Variants in CNTNAP2 observed in about 807,000 individuals in gnomAD.
The protein encoded by CNTNAP2 is contactin-associated protein-like 2.
A neutral mutation model predicts 155.2 loss-of-function variants in CNTNAP2; 98 were observed. The observed-to-expected ratio is 0.63, with a 90% CI of 0.54 to 0.75. The LOEUF (loss-of-function observed/expected upper bound fraction) is 0.75. Ranked by LOEUF, CNTNAP2 falls within the 30% of genes least tolerant of loss-of-function variation. The probability of loss-of-function intolerance (pLI) is 0.00; values close to 1 mark genes in which losing one functional copy is unlikely to be tolerated. For synonymous variants in CNTNAP2, 651 were observed against 631.2 expected (o/e 1.03, Z -0.47); for missense variants, 1,727 against 1,688.1 (o/e 1.02, Z -0.40).
intron 8 of CNTNAP2, among the ~76,000 whole-genome samples, chr7:147,242,667 C>A (rs1038651880): frequency 1.3e-5 from 2 of 151,998 alleles, no homozygotes; most frequent in African/African-American, 4.8e-5. Flanking sequence ...ACTTTAAATT[C>A]TTCCATTTAT....
At chr7:148,326,996 G>A (rs55881658) in intron 21 of CNTNAP2, among the ~76,000 whole-genome samples, 25,229 of 152,084 alleles carry the variant, frequency 0.17, 2,303 homozygotes, top group South Asian at 0.33. Context: ...GCTCATACAC[G>A]TGCTCCCCTC....
chr7:147,326,296 T>C (rs1273193284), intron 9 of CNTNAP2, among the ~76,000 whole-genome samples: 1 of 152,186 alleles, frequency 6.6e-6, no homozygotes, highest in East Asian at 1.9e-4. Flanking sequence ...ACATATAATG[T>C]TTGTTCTTTT....
chr7:146,734,593 C>T (rs554305299), intron 1 of CNTNAP2, among the ~76,000 whole-genome samples: 2 of 152,130 alleles, frequency 1.3e-5, no homozygotes, highest in South Asian at 4.1e-4. Flanking sequence ...TATCCTACAT[C>T]AAGGAAATAG....
intron 1 of CNTNAP2, among the ~76,000 whole-genome samples, chr7:146,556,028 T>A (rs1026996039): frequency 1.3e-5 from 2 of 152,202 alleles, no homozygotes; most frequent in Non-Finnish European, 2.9e-5. Context: ...TAAATAGCAA[T>A]GTCTAATTAT....
At chr7:146,947,408 C>CTATATA (rs1231355375) in intron 3 of CNTNAP2, among the ~76,000 whole-genome samples, 14 of 123,468 alleles carry the variant, frequency 1.1e-4, no homozygotes, top group African/African-American at 3.8e-4. Context: ...CTCTCTCTCT[C>CTATATA]TCTATATATA....
chr7:147,534,623 A>G (rs1799507523), intron 11 of CNTNAP2, among the ~76,000 whole-genome samples: 1 of 152,214 alleles, frequency 6.6e-6, no homozygotes, highest in African/African-American at 2.4e-5. Context: ...CATGAATTTC[A>G]TAAAAAATAA....
intron 9 of CNTNAP2, among the ~76,000 whole-genome samples, chr7:147,378,505 A>C (rs1244268870): frequency 6.6e-6 from 1 of 152,110 alleles, no homozygotes; most frequent in African/African-American, 2.4e-5. Flanking sequence ...AACCAGGCAC[A>C]GAAAGACAAA....
At chr7:147,170,676 C>T (rs1284713095) in intron 8 of CNTNAP2, among the ~76,000 whole-genome samples, 1 of 152,182 alleles carries the variant, frequency 6.6e-6, no homozygotes, top group South Asian at 2.1e-4. Flanking sequence ...AACCTGCTCA[C>T]GGCTCCCTCC....
chr7:146,903,846 T>C (rs1585147841), intron 3 of CNTNAP2, among the ~76,000 whole-genome samples: 1 of 152,242 alleles, frequency 6.6e-6, no homozygotes, highest in African/African-American at 2.4e-5. Flanking sequence ...ATCTCCAAAT[T>C]GTTAAAAGAA....
At chr7:147,915,944 T>C (rs184792964) in intron 14 of CNTNAP2, among the ~76,000 whole-genome samples, 1 of 152,328 alleles carries the variant, frequency 6.6e-6, no homozygotes, top group Admixed American at 6.5e-5. Flanking sequence ...AAGTTGCCTC[T>C]TAACAGGAGA....
At chr7:148,273,286 T>C (rs941751153) in intron 21 of CNTNAP2, among the ~76,000 whole-genome samples, 37 of 152,202 alleles carry the variant, frequency 2.4e-4, no homozygotes, top group Admixed American at 2.4e-3. Flanking sequence ...TGCAATATTA[T>C]AGTAGAGCAG....
intron 13 of CNTNAP2, among the ~76,000 whole-genome samples, chr7:147,827,510 C>T (rs1365439896): frequency 6.6e-6 from 1 of 152,158 alleles, no homozygotes; most frequent in Non-Finnish European, 1.5e-5. Context: ...GCCACAAGAT[C>T]TACTAAACAA....
intron 4 of CNTNAP2, among the ~76,000 whole-genome samples, chr7:147,095,671 G>T (rs1584839202): frequency 6.6e-6 from 1 of 150,434 alleles, no homozygotes; most frequent in East Asian, 1.9e-4. Flanking sequence ...ATTGATTTTT[G>T]TTTCTACCTT....
intron 1 of CNTNAP2, among the ~76,000 whole-genome samples, chr7:146,248,247 C>A (rs1799696478): frequency 6.6e-6 from 1 of 151,370 alleles, no homozygotes; most frequent in Admixed American, 6.6e-5. Context: ...GCAGGACTTG[C>A]CGCTCAGGGT....
intron 9 of CNTNAP2, among the ~76,000 whole-genome samples, chr7:147,326,659 G>T (rs1033144409): frequency 6.6e-6 from 1 of 152,162 alleles, no homozygotes; most frequent in East Asian, 1.9e-4. Context: ...GTGTACAAAG[G>T]TTCTGATTGT....
intron 8 of CNTNAP2, among the ~76,000 whole-genome samples, chr7:147,189,768 G>A (rs910161128): frequency 1.3e-5 from 2 of 152,094 alleles, no homozygotes; most frequent in Non-Finnish European, 1.5e-5. Context: ...TTGTTGAGAC[G>A]GAGTCTCACT....
intron 15 of CNTNAP2, among the ~76,000 whole-genome samples, chr7:148,025,106 G>A (rs1230991320): frequency 1.3e-5 from 2 of 152,098 alleles, no homozygotes; most frequent in African/African-American, 2.4e-5. Context: ...TTATGGGAGG[G>A]GCCTGAATTC....
intron 1 of CNTNAP2, among the ~76,000 whole-genome samples, chr7:146,549,549 T>C (rs1391825442): frequency 6.6e-6 from 1 of 152,068 alleles, no homozygotes; most frequent in African/African-American, 2.4e-5. Flanking sequence ...GCCTGTCAGA[T>C]TGTGGAATAC....
chr7:147,654,139 C>A (rs1795490255), intron 13 of CNTNAP2, among the ~76,000 whole-genome samples: 1 of 152,094 alleles, frequency 6.6e-6, no homozygotes, highest in Non-Finnish European at 1.5e-5. Flanking sequence ...AAAGTGTGTA[C>A]CTCCTAAATG....
Sources: allele counts gnomAD v4.1 joint callset (sites outside exome capture counted in the v4.1 genomes callset), GRCh38; gene constraint gnomAD v4.1.1; transcripts MANE v1.5; gene names NCBI Gene and HGNC (gene_info 2026-07-23, HGNC 2026-07-21).